The following NOS1AP variants were observed in gnomAD, a reference collection of about 807,000 sequenced individuals.
The protein encoded by NOS1AP is nitric oxide synthase 1 adaptor protein.
A neutral mutation model predicts 56.2 loss-of-function variants in NOS1AP; 21 were observed. That is an observed-to-expected ratio of 0.37 (90% CI 0.26 to 0.54). The LOEUF (loss-of-function observed/expected upper bound fraction) is 0.54. Ranked by LOEUF, NOS1AP falls within the 20% of genes least tolerant of loss-of-function variation. NOS1AP has a pLI of 0.84. For missense variants in NOS1AP, 522 were observed against 657.8 expected, an observed-to-expected ratio of 0.79 and a Z score of 2.26; for synonymous variants, 270 against 274.6, an observed-to-expected ratio of 0.98 and a Z score of 0.17.
rs187856650 is a variant in NOS1AP, at chr1:162,341,498, C to A, written c.454-2337C>A. ...AATCTCTACATATCATTTGGACTTA[C>A]CATATTTTATTGTTACAACCTAAAA... On this transcript the variant is annotated intron_variant, in intron 5 of 9. Transcript: ENST00000361897. Among the ~76,000 whole-genome samples, 258 of 152,322 alleles carry A rather than the reference C, an allele frequency of 1.7e-3. 1 individual carries two copies. Among genetic ancestry groups the A allele is most frequent in the Middle Eastern group, 6.8e-3 (2 of 294 alleles).
chr1:162,155,118 G>A (rs1370690389), intron 2 of NOS1AP, among the ~76,000 whole-genome samples: 2 of 151,562 alleles, frequency 1.3e-5, no homozygotes, highest in East Asian at 2.0e-4. Flanking sequence ...TCGAGGGTGG[G>A]TAAGCGATGT....
chr1:162,176,457 G>A lies in NOS1AP; in HGVS notation c.177+21981G>A, dbSNP rs186969813. On this transcript the variant is annotated intron_variant, in intron 2 of 9. Transcript: ENST00000361897. ...TTTTCAGACTGGTTTCTTTCACTTA[G>A]CAGTATGTACTTAAGATTCATTCAT... Among the ~76,000 whole-genome samples, 316 of 149,712 alleles carry A rather than the reference G, an allele frequency of 2.1e-3. 1 individual carries two copies. The highest frequency in any genetic ancestry group is 0.01 in the Middle Eastern group (3 of 286).
chr1:162,367,531 G>C lies in NOS1AP; in HGVS notation c.*64G>C. 6.7e-7 allele frequency: 1 copy of C among 1,482,084 alleles called. No homozygotes were observed. Among genetic ancestry groups the C allele is most frequent in the South Asian group, 1.3e-5 (1 of 76,028 alleles). The allele number at this position is 1,482,084 out of a possible 1,614,324, so 91.8% of individuals were successfully genotyped here. ...GAGGGGCCGTGTCTGGCTGCTGCCC[G>C]GGTAGGGGATGCCCAGTGAATGTGC... On this transcript the variant is annotated 3_prime_UTR_variant, in exon 10 of 10. Transcript: ENST00000361897. This position sits in a 1 kb window ranked among gnomAD's most constrained non-coding sequence, Gnocchi z 6.5.
intron 4 of NOS1AP, among the ~76,000 whole-genome samples, chr1:162,306,928 A>G (rs566598906): frequency 6.0e-5 from 9 of 151,194 alleles, no homozygotes; most frequent in African/African-American, 2.2e-4. Context: ...CAGAGGCTGC[A>G]CTCCAGCCTG....
intron 7 of NOS1AP, among the ~76,000 whole-genome samples, chr1:162,356,060 T>C (rs1394326737): frequency 1.3e-5 from 2 of 152,230 alleles, no homozygotes; most frequent in Non-Finnish European, 2.9e-5. Context: ...CCTCTCTCTC[T>C]TTAACATTCA....
Position 162,203,250 on chromosome 1 carries a change from A to G in NOS1AP, c.177+48774A>G, listed in dbSNP as rs1328707880. Among the ~76,000 whole-genome samples the G allele has an allele frequency of 3.9e-5, 6 of 152,194 alleles. No homozygotes were observed. The East Asian group carries it at 7.7e-4, about 19-fold the overall frequency. ...AGGTTGTTCATTGATCCAACTCTCCATTGCTATGCTTGTCCGTCTGTCTGT... is the reference window on the plus strand; with the variant it reads ...AGGTTGTTCATTGATCCAACTCTCCGTTGCTATGCTTGTCCGTCTGTCTGT... On this transcript the variant is annotated intron_variant, in intron 2 of 9. Coordinates refer to ENST00000361897, the MANE Select transcript of NOS1AP (RefSeq NM_014697.3).
At chr1:162,279,748 T>C (rs1212380822) in intron 2 of NOS1AP, among the ~76,000 whole-genome samples, 2 of 152,224 alleles carry the variant, frequency 1.3e-5, no homozygotes, top group African/African-American at 2.4e-5. Context: ...TCATTAACCA[T>C]GTATTGAATG....
At chr1:162,208,501 T>C (rs1652240107) in intron 2 of NOS1AP, among the ~76,000 whole-genome samples, 1 of 152,224 alleles carries the variant, frequency 6.6e-6, no homozygotes, top group Non-Finnish European at 1.5e-5. Flanking sequence ...CTTTAGGGTT[T>C]CTTAACTTTA....
At position 162,333,072 on chromosome 1, in the gene NOS1AP, C is replaced by G. The variant is rs771468647; in HGVS notation, c.400C>G (p.Arg134Gly). ...QDLKIFSYIA[R>G]DGASNIFRCN... ...CTTGAAGATCTTCAGCTATATCGCT[C>G]GAGATGGTGCCAGCAATATCTTCAG... Residue 134 changes from arginine to glycine, a missense_variant, in exon 5 of 10, where the codon CGA becomes GGA. This residue lies in a region of NOS1AP where 132 missense variants were observed against 218.1 expected (regional missense o/e 0.61). Transcript: ENST00000361897. The G allele has an allele frequency of 6.2e-7, 1 of 1,613,894 alleles. No individual in the cohort carries two copies. The highest frequency in any genetic ancestry group is 8.5e-7 in the Non-Finnish European group (1 of 1,179,878).
intron 2 of NOS1AP, among the ~76,000 whole-genome samples, chr1:162,204,956 TG>T (rs556112300): frequency 2.0e-5 from 3 of 152,184 alleles, no homozygotes; most frequent in Admixed American, 6.5e-5. Context: ...TTTGCTGAAT[TG>T]GATAAGAAGA....
chr1:162,320,035 C>A (rs1051959267), intron 4 of NOS1AP, among the ~76,000 whole-genome samples: 3 of 152,274 alleles, frequency 2.0e-5, no homozygotes. Context: ...TTCACTGGCT[C>A]CATTCCTCTG....
Position 162,155,452 on chromosome 1 carries a change from T to TAG in NOS1AP, c.177+977_177+978insGA, listed in dbSNP as rs1293965250. Among the ~76,000 whole-genome samples, 184 of 147,452 alleles carry TAG rather than the reference T, an allele frequency of 1.2e-3. 1 individual carries two copies. Among genetic ancestry groups the TAG allele is most frequent in the African/African-American group, 3.4e-3 (138 of 40,180 alleles). On this transcript the variant is annotated intron_variant, in intron 2 of 9. Transcript: ENST00000361897. The stretch of plus-strand genomic sequence containing the variant: ...ACATACATATATACATATATATATA[T>TAG]ATATAGAGAGAGAGAGAGAGGTATC...
At chr1:162,354,283 C>T (rs929702569) in intron 6 of NOS1AP, among the ~76,000 whole-genome samples, 13 of 152,108 alleles carry the variant, frequency 8.5e-5, no homozygotes, top group South Asian at 4.1e-4. Flanking sequence ...TATTTAAAGA[C>T]GGCAGTAATT....
intron 2 of NOS1AP, among the ~76,000 whole-genome samples, chr1:162,234,437 T>C (rs1023279527): frequency 7.0e-6 from 1 of 142,022 alleles, no homozygotes; most frequent in African/African-American, 2.5e-5. Flanking sequence ...ATGTCTCTTT[T>C]ATAGAAATTT....
intron 1 of NOS1AP, among the ~76,000 whole-genome samples, chr1:162,089,965 T>C (rs981513152): frequency 1.3e-5 from 2 of 152,256 alleles, no homozygotes; most frequent in Non-Finnish European, 2.9e-5. Context: ...AGTTAACTAA[T>C]ACAATCATAT....
chr1:162,148,047 A>T (rs1649554008), intron 1 of NOS1AP, among the ~76,000 whole-genome samples: 1 of 152,218 alleles, frequency 6.6e-6, no homozygotes, highest in Non-Finnish European at 1.5e-5. Context: ...TGCATGTGCT[A>T]CTGTAAAAGC....
At chr1:162,258,033 C>A (rs1444703187) in intron 2 of NOS1AP, among the ~76,000 whole-genome samples, 1 of 151,774 alleles carries the variant, frequency 6.6e-6, no homozygotes, top group Non-Finnish European at 1.5e-5. Flanking sequence ...AGCCTTATTT[C>A]TGATAATTCT....
chr1:162,313,549 A>G (rs1352641032), intron 4 of NOS1AP, among the ~76,000 whole-genome samples: 1 of 152,212 alleles, frequency 6.6e-6, no homozygotes, highest in African/African-American at 2.4e-5. Flanking sequence ...AGTGAAAGTG[A>G]TATTTTAGGA....
chr1:162,200,974 G>A (rs191615756), intron 2 of NOS1AP, among the ~76,000 whole-genome samples: 1 of 152,316 alleles, frequency 6.6e-6, no homozygotes, highest in African/African-American at 2.4e-5. Context: ...ATGTGTCATA[G>A]GGGTTTGTTG....
Sources: gnomAD v4.1 joint callset for allele counts (sites outside exome capture counted in the v4.1 genomes callset) on GRCh38, gnomAD v4.1.1 for gene constraint, gnomAD v4.1.1 regional missense constraint, Gnocchi (gnomAD v3.1) non-coding constraint, MANE v1.5 for transcripts, NCBI Gene and HGNC (gene_info 2026-07-23, HGNC 2026-07-21) for gene names.